The following PUM2 variants were observed in gnomAD, a reference collection of about 807,000 sequenced individuals.
PUM2 encodes the protein pumilio homolog 2.
Under a neutral mutation model 124.5 loss-of-function variants are expected in PUM2, and 57 were observed. The observed-to-expected ratio is 0.46, with a 90% CI of 0.37 to 0.57. PUM2 has a LOEUF of 0.57. PUM2 is among the 20% of genes least tolerant of loss of function. The pLI, the probability that PUM2 is intolerant of heterozygous loss-of-function variation, is 0.00. For missense variants in PUM2, 1,065 were observed against 1,290.6 expected, an observed-to-expected ratio of 0.83 and a Z score of 2.68; for synonymous variants, 460 against 446.1, an observed-to-expected ratio of 1.03 and a Z score of -0.39.
At chr2:20,347,417 T>C (rs72788905) in intron 1 of PUM2, among the ~76,000 whole-genome samples, 42,865 of 152,096 alleles carry the variant, frequency 0.28, 6,432 homozygotes, top group Middle Eastern at 0.35. Context: ...CTAAACATAA[T>C]GCTACATGAA....
At position 20,290,785 on chromosome 2, in the gene PUM2, G is replaced by A; in HGVS notation, c.1158C>T (p.Leu386=). ...SQAQPGQQQV[L]RAGAGQRPLT... ...GAGGACGCTGACCTGCTCCAGCACG[G>A]AGAACCTACAAAGGTAAAATGATTT... Residue 386 remains leucine, a synonymous_variant, in exon 10 of 21, where the codon CTC becomes CTT. Transcript: ENST00000361078. The A allele has an allele frequency of 6.3e-7, 1 of 1,583,956 alleles. No individual in the cohort carries two copies. Among genetic ancestry groups the A allele is most frequent in the South Asian group, 1.2e-5 (1 of 85,296 alleles).
chr2:20,298,007 T>A (rs1040584060), intron 7 of PUM2, among the ~76,000 whole-genome samples: 1 of 152,224 alleles, frequency 6.6e-6, no homozygotes, highest in Non-Finnish European at 1.5e-5. Flanking sequence ...AGCATGAGAC[T>A]GGCATAAAAT....
At chr2:20,260,530 C>T in intron 14 of PUM2, 64 bp from the exon 15 acceptor site, 1 of 1,413,268 alleles carries the variant, frequency 7.1e-7, no homozygotes, top group Non-Finnish European at 9.8e-7. Flanking sequence ...TTACACCCTA[C>T]CCTTCCACAT....
upstream of PUM2, among the ~76,000 whole-genome samples, chr2:20,351,077 C>T (rs747888165): frequency 2.0e-5 from 3 of 152,176 alleles, no homozygotes; most frequent in Admixed American, 2.0e-4. Context: ...TCCTGGGCTC[C>T]GCCGCGGCGG....
chr2:20,311,772 T>A, intron 4 of PUM2, 109 bp from the exon 5 acceptor site: 2 of 1,146,462 alleles, frequency 1.7e-6, no homozygotes, highest in Non-Finnish European at 2.4e-6. Flanking sequence ...ATAAAAGCAT[T>A]GAATCTTATT....
chr2:20,336,788 GTGTGTGTGTGTGT>G (rs879863687), intron 1 of PUM2, among the ~76,000 whole-genome samples: 34 of 140,210 alleles, frequency 2.4e-4, no homozygotes, highest in Non-Finnish European at 4.6e-4. Flanking sequence ...GTGTGTGTGT[GTGTGTGTGTGTGT>G]GGTACAGACG....
intron 13 of PUM2, among the ~76,000 whole-genome samples, chr2:20,275,536 GA>G (rs1005514803): frequency 6.6e-6 from 1 of 151,716 alleles, no homozygotes; most frequent in Non-Finnish European, 1.5e-5. Flanking sequence ...GCAACCTCTG[GA>G]AAAAAAATTA....
intron 13 of PUM2, among the ~76,000 whole-genome samples, chr2:20,277,969 G>A (rs1361235537): frequency 6.6e-6 from 1 of 152,032 alleles, no homozygotes; most frequent in Admixed American, 6.6e-5. Flanking sequence ...TTGGGGGTGG[G>A]AACAATTTTA....
chr2:20,329,496 T>C (rs1018192154), intron 1 of PUM2, among the ~76,000 whole-genome samples: 1 of 149,530 alleles, frequency 6.7e-6, no homozygotes, highest in Non-Finnish European at 1.5e-5. Context: ...ATTTGGAGCA[T>C]ATATATACAG....
At chr2:20,294,344 A>G (rs757842888) in intron 9 of PUM2, 32 bp downstream of exon 9, 3 of 1,603,796 alleles carry the variant, frequency 1.9e-6, no homozygotes, top group South Asian at 1.1e-5. Flanking sequence ...TTCAAAGAAT[A>G]CTTGGTATTA....
intron 3 of PUM2, among the ~76,000 whole-genome samples, chr2:20,316,360 T>G (rs1229591897): frequency 6.6e-6 from 1 of 152,086 alleles, no homozygotes; most frequent in African/African-American, 2.4e-5. Context: ...TTCTAATATA[T>G]TTTAATGATT....
intron 2 of PUM2, chr2:20,326,457 G>A (rs1035797485): frequency 2.4e-6 from 3 of 1,269,274 alleles, no homozygotes; most frequent in Non-Finnish European, 3.1e-6. Context: ...ATAATCTCCA[G>A]GAGCAAGCAG....
chr2:20,297,512 T>C, intron 8 of PUM2, 41 bp downstream of exon 8: 1 of 1,476,662 alleles, frequency 6.8e-7, no homozygotes, highest in South Asian at 1.4e-5. Flanking sequence ...CTAAATACAT[T>C]AAAAAGCAAC....
chr2:20,315,208 T>TA (rs372932431), intron 3 of PUM2, among the ~76,000 whole-genome samples: 10 of 151,100 alleles, frequency 6.6e-5, no homozygotes, highest in South Asian at 2.1e-4. Context: ...TGATAAGGGT[T>TA]AAAAAAAAGG....
intron 19 of PUM2, among the ~76,000 whole-genome samples, chr2:20,254,415 A>T (rs1664271848): frequency 2.0e-5 from 3 of 152,126 alleles, no homozygotes; most frequent in African/African-American, 7.2e-5. Context: ...TTGATCTCCC[A>T]AAGTGCTGGC....
rs1440047415 is a variant in PUM2 at position 20,258,151 on chromosome 2, TTTCAC to T, written c.2484+87_2484+91del. The T allele has an allele frequency of 9.0e-6, 11 of 1,217,988 alleles. No individual in the cohort carries two copies. The African/African-American group carries it at 1.4e-4, about 15-fold the overall frequency. The allele number at this position is 1,217,988 out of a possible 1,614,324, so 75.4% of individuals were successfully genotyped here. A position where few individuals can be genotyped will look rare whatever the true frequency, so the allele number is the denominator to read the frequency against. Reference sequence around the variant, plus strand: ...TCTAGTTGTGGAAATATTTAAGTCTTTTCACTTCAAGATTACTGTAAGATTAAAAA... The same window carrying T: ...TCTAGTTGTGGAAATATTTAAGTCTTTTCAAGATTACTGTAAGATTAAAAA... On this transcript the variant is annotated intron_variant, in intron 16 of 20. Coordinates refer to ENST00000361078, the MANE Select transcript of PUM2 (RefSeq NM_015317.5).
intron 10 of PUM2, among the ~76,000 whole-genome samples, chr2:20,286,197 T>C (rs74954739): frequency 0.015 from 2,217 of 152,146 alleles, 67 homozygotes; most frequent in African/African-American, 0.05. Context: ...GAGGACTCCA[T>C]AGGGGAGAAA....
chr2:20,273,904 C>T (rs1280097030), intron 13 of PUM2, among the ~76,000 whole-genome samples: 6 of 152,234 alleles, frequency 3.9e-5, no homozygotes, highest in East Asian at 3.9e-4. Context: ...TAATCCTATA[C>T]ATACTTTAAC....
At chr2:20,316,259 T>C (rs1033600159) in intron 3 of PUM2, among the ~76,000 whole-genome samples, 1 of 152,200 alleles carries the variant, frequency 6.6e-6, no homozygotes, top group Non-Finnish European at 1.5e-5. Context: ...TCACCAACAT[T>C]TTCCAGACTT....
Sources: gnomAD v4.1 joint callset for allele counts (sites outside exome capture counted in the v4.1 genomes callset) on GRCh38, gnomAD v4.1.1 for gene constraint, MANE v1.5 for transcripts, NCBI Gene and HGNC (gene_info 2026-07-23, HGNC 2026-07-21) for gene names.